The following FAT3 variants were observed in gnomAD, a reference collection of about 807,000 sequenced individuals.
The protein encoded by FAT3 is FAT atypical cadherin 3.
In FAT3, 95 loss-of-function variants were observed where a neutral mutation model predicts 310.2. The ratio of observed to expected loss-of-function variants is 0.31; its 90% CI spans 0.26 to 0.36. The LOEUF is 0.36. FAT3 is among the 10% of genes least tolerant of loss of function. The probability of loss-of-function intolerance (pLI) is 1.00; values close to 1 mark genes in which losing one functional copy is unlikely to be tolerated. For missense variants in FAT3, 5,408 were observed against 5,715.6 expected (o/e 0.95, Z 1.74); for synonymous variants, 2,314 against 2,192.9 (o/e 1.06, Z -1.54).
chr11:92,636,934 A>G (rs1941787421), intron 3 of FAT3, among the ~76,000 whole-genome samples: 1 of 152,208 alleles, frequency 6.6e-6, no homozygotes, highest in African/African-American at 2.4e-5. Flanking sequence ...CTGGTCTTAC[A>G]TAGCCTCTCT....
intron 2 of FAT3, among the ~76,000 whole-genome samples, chr11:92,460,424 A>T (rs1591318850): frequency 6.6e-6 from 1 of 152,166 alleles, no homozygotes; most frequent in Non-Finnish European, 1.5e-5. Context: ...GCAGGGCTGG[A>T]CTAATTACGC....
At chr11:92,815,669 A>G (rs959978218) in intron 13 of FAT3, among the ~76,000 whole-genome samples, 38 of 152,206 alleles carry the variant, frequency 2.5e-4, no homozygotes, top group Non-Finnish European at 5.9e-5. Flanking sequence ...TGACTAGACT[A>G]AAAGCAAGGT....
Position 92,844,686 on chromosome 11 carries a change from C to A in FAT3, c.11319C>A (p.Ser3773Arg). The A allele has an allele frequency of 6.3e-7, 1 of 1,585,802 alleles. No homozygotes were observed. Among genetic ancestry groups the A allele is most frequent in the Non-Finnish European group, 8.6e-7 (1 of 1,162,588 alleles). ...ALMTYSTARISFVCPRFYRNV... is the reference protein window; with the variant it reads ...ALMTYSTARIRFVCPRFYRNV... The stretch of plus-strand genomic sequence containing the variant: ...TGACCTACAGCACGGCTCGCATCAG[C>A]TTTGTGTGTCCGCGTTTCTACAGGA... The change falls in exon 19 of 28, where the codon AGC (serine) becomes AGA (arginine). Residue 3773 changes from serine (S) to arginine (R), a missense_variant. Ser to Arg is a moderately radical substitution (Grantham distance 110). Coordinates refer to ENST00000525166, the MANE Select transcript of FAT3 (RefSeq NM_001367949.2).
intron 1 of FAT3, among the ~76,000 whole-genome samples, chr11:92,229,491 T>TTTTTTTTTTTTTTTTTTTTTTTTTTTC (rs1864065177): frequency 1.5e-5 from 1 of 67,472 alleles, no homozygotes; most frequent in Non-Finnish European, 3.0e-5. Context: ...TGTTTTTTCG[T>TTTTTTTTTTTTTTTTTTTTTTTTTTTC]GTTTTTTTTT....
intron 2 of FAT3, among the ~76,000 whole-genome samples, chr11:92,503,453 G>C (rs928723316): frequency 6.6e-6 from 1 of 151,996 alleles, no homozygotes; most frequent in Non-Finnish European, 1.5e-5. Flanking sequence ...TATTCTTTAA[G>C]TCTGAAGCAA....
chr11:92,476,864 C>A (rs1253642046), intron 2 of FAT3, among the ~76,000 whole-genome samples: 1 of 152,126 alleles, frequency 6.6e-6, no homozygotes, highest in Non-Finnish European at 1.5e-5. Flanking sequence ...AGAAGTTGCC[C>A]ATATCAGGTA....
chr11:92,328,303 G>A (rs1047547295), intron 1 of FAT3, among the ~76,000 whole-genome samples: 1 of 152,170 alleles, frequency 6.6e-6, no homozygotes, highest in Non-Finnish European at 1.5e-5. Context: ...GACAAACGAT[G>A]CTATACTTCA....
intron 2 of FAT3, among the ~76,000 whole-genome samples, chr11:92,497,029 G>T (rs746953851): frequency 2.0e-4 from 30 of 152,152 alleles, no homozygotes; most frequent in Non-Finnish European, 3.8e-4. Context: ...TGGATCAAGT[G>T]TATTTCGAAT....
intron 7 of FAT3, among the ~76,000 whole-genome samples, chr11:92,786,000 A>G (rs1261530577): frequency 1.3e-5 from 2 of 152,196 alleles, no homozygotes; most frequent in Non-Finnish European, 2.9e-5. Context: ...GGAACAGAAT[A>G]GAAAATCCAG....
chr11:92,876,620 C>T (rs1181839547), intron 22 of FAT3, among the ~76,000 whole-genome samples: 1 of 152,198 alleles, frequency 6.6e-6, no homozygotes. Context: ...GTGTTTCTTG[C>T]TGCCAGGAAG....
chr11:92,674,533 T>C (rs1487614848), intron 3 of FAT3, among the ~76,000 whole-genome samples: 3 of 151,660 alleles, frequency 2.0e-5, no homozygotes, highest in African/African-American at 7.3e-5. Flanking sequence ...ATTTAATTAA[T>C]TTTTTTTAAT....
chr11:92,764,545 G>A (rs1946253565), intron 5 of FAT3, among the ~76,000 whole-genome samples: 1 of 152,106 alleles, frequency 6.6e-6, no homozygotes. Flanking sequence ...CATGCTCTCA[G>A]GAATCAAATT....
intron 2 of FAT3, among the ~76,000 whole-genome samples, chr11:92,391,924 A>T (rs1443622301): frequency 1.3e-5 from 2 of 152,194 alleles, no homozygotes; most frequent in African/African-American, 4.8e-5. Context: ...TGCTCTTTTC[A>T]TAGATGAGGA....
intron 22 of FAT3, among the ~76,000 whole-genome samples, chr11:92,878,574 A>G (rs1949588968): frequency 6.8e-6 from 1 of 146,688 alleles, no homozygotes; most frequent in Non-Finnish European, 1.5e-5. Context: ...TATTATTAAT[A>G]TCCTCAGACA....
chr11:92,290,712 C>G (rs12294541), intron 1 of FAT3, among the ~76,000 whole-genome samples: 1 of 150,870 alleles, frequency 6.6e-6, no homozygotes, highest in Non-Finnish European at 1.5e-5. Context: ...TTCAGTGAGG[C>G]GAGATCATGC....
chr11:92,464,524 A>G (rs76589175), intron 2 of FAT3, among the ~76,000 whole-genome samples: 2,418 of 152,308 alleles, frequency 0.016, 65 homozygotes, highest in African/African-American at 0.054. Flanking sequence ...AGGGAAGCTC[A>G]GGGAACAACT....
At chr11:92,399,434 T>G (rs2134856934) in intron 2 of FAT3, among the ~76,000 whole-genome samples, 1 of 152,318 alleles carries the variant, frequency 6.6e-6, no homozygotes, top group Middle Eastern at 3.4e-3. Flanking sequence ...CCACATCTAA[T>G]TTGATGGGTG....
chr11:92,740,172 G>T (rs2676166), intron 4 of FAT3, among the ~76,000 whole-genome samples: 37,424 of 152,096 alleles, frequency 0.25, 5,723 homozygotes, highest in African/African-American at 0.43. Context: ...AAAACTACTT[G>T]TATTCTACTT....
At position 92,354,171 on chromosome 11, in the gene FAT3, C is replaced by T. The variant is rs761843855; in HGVS notation, c.2059C>T (p.Arg687Cys). ...SSKSFSCRET[R>C]VAQKLAEKLL... ...AAAGAGCTTCAGTTGCAGAGAAACTCGTGTGGCTCAAAAGCTGGCAGAGAA... is the reference window on the plus strand; with the variant it reads ...AAAGAGCTTCAGTTGCAGAGAAACTTGTGTGGCTCAAAAGCTGGCAGAGAA... Residue 687 changes from arginine (R) to cysteine (C), a missense_variant, in exon 2 of 28, where the codon CGT (arginine) becomes TGT (cysteine). Arg to Cys is a radical substitution (Grantham distance 180, BLOSUM62 -3). Transcript: ENST00000525166. 13 of 1,613,740 alleles carry T rather than the reference C, an allele frequency of 8.1e-6. No individual in the cohort carries two copies. The South Asian group carries it at 8.8e-5, about 11-fold the overall frequency.
Sources: allele counts gnomAD v4.1 joint callset (sites outside exome capture counted in the v4.1 genomes callset), GRCh38; gene constraint gnomAD v4.1.1; transcripts MANE v1.5; gene names NCBI Gene and HGNC (gene_info 2026-07-23, HGNC 2026-07-21).